TLCD1: variants seen among roughly 807,000 people sequenced by gnomAD.
The protein encoded by TLCD1 is TLC domain-containing protein 1.
A neutral mutation model predicts 21.2 loss-of-function variants in TLCD1; 21 were observed. The ratio of observed to expected loss-of-function variants is 0.99; its 90% CI spans 0.70 to 1.42. TLCD1 has a LOEUF of 1.42. Ranked by LOEUF, TLCD1 falls within the 40% of genes most tolerant of loss-of-function variation. The pLI, the probability that TLCD1 is intolerant of heterozygous loss-of-function variation, is 0.00. For missense variants in TLCD1, 344 were observed against 330.3 expected, an observed-to-expected ratio of 1.04 and a Z score of -0.32; for synonymous variants, 168 against 134.8, an observed-to-expected ratio of 1.25 and a Z score of -1.71.
chr17:28,725,239 A>C, intron 3 of TLCD1, 65 bp downstream of exon 3: 1 of 1,564,344 alleles, frequency 6.4e-7, no homozygotes, highest in Non-Finnish European at 8.8e-7. Context: ...CCAGATTCAG[A>C]AAGACGGAGC....
upstream of TLCD1, chr17:28,726,716 C>T (rs1277877599): frequency 2.6e-6 from 4 of 1,540,468 alleles, no homozygotes; most frequent in Non-Finnish European, 3.5e-6. Flanking sequence ...GTGCCCCTAC[C>T]GCACCACTCG....
rs1156833818 is a variant in TLCD1 at position 28,725,280 on chromosome 17, C to T, written c.360+24G>A. 7 of 1,613,036 alleles carry T rather than the reference C, an allele frequency of 4.3e-6. No individual in the cohort carries two copies. The Admixed American group carries it at 5.0e-5, about 12-fold the overall frequency. On this transcript the variant is annotated intron_variant, in intron 3 of 3. Transcript: ENST00000292090. ...CTAGATTACTGACACCAGGCCTATACCACATAGTCTGCTTCTCTCTTACCA... is the reference window on the plus strand; with the variant it reads ...CTAGATTACTGACACCAGGCCTATATCACATAGTCTGCTTCTCTCTTACCA...
chr17:28,724,845 C>CA lies in TLCD1; in HGVS notation c.408dup (p.Gly137TrpfsTer25). ...TCCACCAGTAGTGTTAAGACACCCC[C>CA]ACCGACAAAGCTGCTCCAAAAGATG... is the stretch of plus-strand genomic sequence containing the variant. On this transcript the variant is annotated frameshift_variant, in exon 4 of 4. Transcript: ENST00000292090. LOFTEE classifies it high-confidence loss of function. 6.2e-7 allele frequency: 1 copy of CA among 1,613,996 alleles called. No homozygotes were observed.
chr17:28,725,987 G>T lies in TLCD1; in HGVS notation c.111C>A (p.Ala37=), dbSNP rs1218828865. 3 of 1,611,582 alleles carry T rather than the reference G, an allele frequency of 1.9e-6. No individual in the cohort carries two copies. Among genetic ancestry groups the T allele is most frequent in the Non-Finnish European group, 1.7e-6 (2 of 1,179,460 alleles). The change falls in exon 1 of 4, where the codon GCC becomes GCA. Residue 37 remains alanine, a synonymous_variant. Coordinates refer to ENST00000292090, the MANE Select transcript of TLCD1 (RefSeq NM_138463.4). ...GCCAGCGCCAGGTGCGCAGGGGGTC[G>T]GCGCGCACGTGCACGGGTAGGGGCA... ...CRLPLPVHVR[A]DPLRTWRWHN...
Position 28,724,578 on chromosome 17 carries a change from G to C in TLCD1, c.676C>G (p.Leu226Val), listed in dbSNP as rs111819682. ...TGCTCAGGGCAGAAGTCAGAGCGGA[G>C]GAGGCGGGAAAAGTAGATTATGATC... ...VMIIIYFSRL[L>V]RSDFCPEHVP... Residue 226 changes from leucine to valine, a missense_variant, in exon 4 of 4, where the codon CTC (leucine) becomes GTC (valine). Physicochemically the swap from Leu to Val is conservative, Grantham distance 32. Coordinates refer to ENST00000292090, the MANE Select transcript of TLCD1 (RefSeq NM_138463.4). 6.2e-7 allele frequency: 1 copy of C among 1,614,044 alleles called. No individual in the cohort carries two copies. Among genetic ancestry groups the C allele is most frequent in the Non-Finnish European group, 8.5e-7 (1 of 1,180,032 alleles).
chr17:28,726,826 G>A (rs1169389957), upstream of TLCD1: 4 of 1,547,356 alleles, frequency 2.6e-6, no homozygotes, highest in Non-Finnish European at 2.6e-6. Context: ...TCTTCCCGCC[G>A]GCTCTTAAAC....
chr17:28,725,766 A>G, intron 1 of TLCD1, 138 bp downstream of exon 1: 1 of 1,273,486 alleles, frequency 7.9e-7, no homozygotes, highest in African/African-American at 1.5e-5. Flanking sequence ...TTTTGGTTGG[A>G]TAGGATACCA....
Position 28,724,348 on chromosome 17 carries a change from T to C in TLCD1, c.*162A>G, listed in dbSNP as rs1597798774. The C allele has an allele frequency of 2.0e-5, 19 of 948,122 alleles. No homozygotes were observed. In the East Asian group the frequency reaches 4.3e-4, roughly 22 times the overall value. The allele number at this position is 948,122 out of a possible 1,614,324, so 58.7% of individuals were successfully genotyped here. ...CCCTTGCCCAATAAAGGACAAGGAC[T>C]TCAGAGGAGTACTTTCATTAGTGTT... On this transcript the variant is annotated 3_prime_UTR_variant, in exon 4 of 4. Transcript: ENST00000292090.
Position 28,725,466 on chromosome 17 carries a change from C to G in TLCD1, c.277+15G>C. On this transcript the variant is annotated intron_variant, in intron 2 of 3. Transcript: ENST00000292090. Reference sequence around the variant, plus strand: ...CTGTCCCCAATTTGCCTCCCGCTTCCTGGGCAAGACCTACCCGCAGAGAAG... The same window carrying G: ...CTGTCCCCAATTTGCCTCCCGCTTCGTGGGCAAGACCTACCCGCAGAGAAG... 2 of 1,614,202 alleles carry G rather than the reference C, an allele frequency of 1.2e-6. No homozygotes were observed. The highest frequency in any genetic ancestry group is 8.5e-7 in the Non-Finnish European group (1 of 1,180,028).
chr17:28,725,018 T>C (rs773605262), intron 3 of TLCD1, 125 bp from the exon 4 acceptor site: 8 of 1,090,600 alleles, frequency 7.3e-6, no homozygotes, highest in African/African-American at 3.2e-5. Context: ...TAATAGTTTA[T>C]AGTGGGTAAG....
chr17:28,725,027 A>G, intron 3 of TLCD1, 134 bp from the exon 4 acceptor site: 1 of 1,042,246 alleles, frequency 9.6e-7, no homozygotes, highest in Non-Finnish European at 1.4e-6. Flanking sequence ...ATAGTGGGTA[A>G]GATGCTTTGT....
rs755630500 is a variant in TLCD1 at position 28,725,993 on chromosome 17, C to A, written c.105G>T (p.Val35=). ...ALCRLPLPVH[V]RADPLRTWRW... ...GCCAGGTGCGCAGGGGGTCGGCGCG[C>A]ACGTGCACGGGTAGGGGCAGGCGAC... is the stretch of plus-strand genomic sequence containing the variant. Residue 35 remains valine (V), a synonymous_variant, in exon 1 of 4, where the codon GTG becomes GTT. Transcript: ENST00000292090. The A allele has an allele frequency of 2.9e-5, 46 of 1,611,334 alleles. 1 individual carries two copies. In the South Asian group the frequency reaches 4.1e-4, roughly 14 times the overall value.
At chr17:28,726,755 C>A, upstream of TLCD1, 2 of 1,549,178 alleles carry the variant, frequency 1.3e-6, no homozygotes, top group Non-Finnish European at 1.7e-6. Flanking sequence ...CCCGTGTTTA[C>A]CTGTCCCTCC....
chr17:28,726,590 G>T (rs1171699792), upstream of TLCD1, among the ~76,000 whole-genome samples: 1 of 151,866 alleles, frequency 6.6e-6, no homozygotes, highest in African/African-American at 2.4e-5. Flanking sequence ...AGCTCTCTCC[G>T]CCCTCTACTT....
At position 28,724,432 on chromosome 17, in the gene TLCD1, G is replaced by A; in HGVS notation, c.*78C>T. ...GAGGCTGGCCTCAGAGGACACCCAG[G>A]CTTGGGGCTAAGTCCCAGTGTCCAT... is the stretch of plus-strand genomic sequence containing the variant. On this transcript the variant is annotated 3_prime_UTR_variant, in exon 4 of 4. Transcript: ENST00000292090. 2 of 1,541,628 alleles carry A rather than the reference G, an allele frequency of 1.3e-6. No homozygotes were observed. Among genetic ancestry groups the A allele is most frequent in the South Asian group, 2.5e-5 (2 of 80,950 alleles).
chr17:28,725,759 T>C, intron 1 of TLCD1, 145 bp downstream of exon 1: 14 of 1,252,486 alleles, frequency 1.1e-5, no homozygotes, highest in Non-Finnish European at 1.5e-5. Context: ...CTGCGGCTTT[T>C]GGTTGGATAG....
rs1478888453 is a variant in TLCD1 at position 28,725,942 on chromosome 17, GA to G, written c.155del (p.Phe52SerfsTer22). 1 of 1,613,038 alleles carries G rather than the reference GA, an allele frequency of 6.2e-7. No homozygotes were observed. Among genetic ancestry groups the G allele is most frequent in the Non-Finnish European group, 8.5e-7 (1 of 1,179,878 alleles). On this transcript the variant is annotated frameshift_variant, in exon 1 of 4. Transcript: ENST00000292090. LOFTEE classifies it high-confidence loss of function. ...AGATCCCCGACACAATGGAGTGAGC[GA>G]AGGAGACGAGCAGGTTGTGCCAGCG... ...TWRWHNLLVS[F>X]AHSIVSGIWA...
chr17:28,725,144 A>G (rs2034197227), intron 3 of TLCD1, among the ~76,000 whole-genome samples, 160 bp downstream of exon 3: 1 of 152,182 alleles, frequency 6.6e-6, no homozygotes, highest in Admixed American at 6.5e-5. Context: ...CTCAGTGAAC[A>G]AGTACAGACT....
chr17:28,725,801 G>C, intron 1 of TLCD1, 103 bp downstream of exon 1: 1 of 1,438,358 alleles, frequency 7.0e-7, no homozygotes, highest in Admixed American at 2.3e-5. Flanking sequence ...AGACTGCGTG[G>C]CCTCAGCCCG....
Sources: gnomAD v4.1 joint callset for allele counts (sites outside exome capture counted in the v4.1 genomes callset) on GRCh38, gnomAD v4.1.1 for gene constraint, MANE v1.5 for transcripts, NCBI Gene and HGNC (gene_info 2026-07-23, HGNC 2026-07-21) for gene names.